Variants in DOCK3 observed in about 807,000 individuals in gnomAD.
The protein encoded by DOCK3 is dedicator of cytokinesis protein 3.
A neutral mutation model predicts 265.6 loss-of-function variants in DOCK3; 60 were observed. The observed-to-expected ratio is 0.23, with a 90% confidence interval of 0.18 to 0.28. The LOEUF is 0.28. Among genes scored for constraint, DOCK3 ranks in the 10% least tolerant of loss-of-function variants. The pLI is 1.00. For missense variants in DOCK3, 1,981 were observed against 2,594.3 expected, an observed-to-expected ratio of 0.76 and a Z score of 5.14; for synonymous variants, 881 against 938.0, an observed-to-expected ratio of 0.94 and a Z score of 1.11.
At chr3:51,290,410 T>C (rs1443467611) in intron 27 of DOCK3, among the ~76,000 whole-genome samples, 2 of 152,024 alleles carry the variant, frequency 1.3e-5, no homozygotes, top group Non-Finnish European at 2.9e-5. Context: ...CTGGAAACCA[T>C]CATTCTCAGC....
chr3:51,339,773 G>A (rs890986740), intron 37 of DOCK3, among the ~76,000 whole-genome samples: 5 of 152,152 alleles, frequency 3.3e-5, no homozygotes, highest in Non-Finnish European at 7.3e-5. Context: ...TTTCTCCACT[G>A]TGGTGACCAG....
chr3:51,379,653 G>A, intron 51 of DOCK3: 1 of 984,022 alleles, frequency 1.0e-6, no homozygotes, highest in Non-Finnish European at 1.2e-6. Flanking sequence ...CATCTAAGCT[G>A]AGAAGATGGG....
chr3:51,122,612 CAT>C lies in DOCK3; in HGVS notation c.747-23934_747-23933del, dbSNP rs199504561. The stretch of plus-strand genomic sequence containing the variant: ...GAAATGTGTGAAGTATATTAATACT[CAT>C]ATTGATAAGGCTGAGCACCCTATGG... On this transcript the variant is annotated intron_variant, in intron 9 of 52. Coordinates refer to ENST00000266037, the MANE Select transcript of DOCK3 (RefSeq NM_004947.5). Among the ~76,000 whole-genome samples the C allele has an allele frequency of 1.8e-4, 28 of 152,296 alleles. No homozygotes were observed. The East Asian group carries it at 4.4e-3, about 24-fold the overall frequency.
chr3:51,379,329 G>A (rs1553617682), intron 51 of DOCK3: 1 of 952,232 alleles, frequency 1.1e-6, no homozygotes, highest in Non-Finnish European at 1.3e-6. Context: ...TCCAGGTGCT[G>A]GCATGCCCCA....
chr3:51,024,053 G>T (rs950523670), intron 5 of DOCK3, among the ~76,000 whole-genome samples: 7 of 151,544 alleles, frequency 4.6e-5, no homozygotes, highest in Non-Finnish European at 1.0e-4. Context: ...TTTCTTAATG[G>T]TTTTTTTTAC....
At chr3:51,379,342 T>A (rs567207917) in intron 51 of DOCK3, 10 of 963,442 alleles carry the variant, frequency 1.0e-5, no homozygotes, top group Non-Finnish European at 1.2e-5. Context: ...ATGCCCCACA[T>A]GTGTGCTGGA....
At chr3:51,179,330 CA>C (rs2087147036) in intron 12 of DOCK3, among the ~76,000 whole-genome samples, 1 of 152,246 alleles carries the variant, frequency 6.6e-6, no homozygotes, top group East Asian at 1.9e-4. Context: ...ATCCTAATAT[CA>C]AAAAAGTATT....
chr3:50,687,898 T>G (rs1161428068), intron 1 of DOCK3, among the ~76,000 whole-genome samples: 2 of 152,228 alleles, frequency 1.3e-5, no homozygotes, highest in African/African-American at 4.8e-5. Context: ...ATGTGCATCC[T>G]CCTGAAAATA....
intron 24 of DOCK3, among the ~76,000 whole-genome samples, chr3:51,272,829 T>C (rs1000178612): frequency 6.6e-6 from 1 of 152,012 alleles, no homozygotes; most frequent in South Asian, 2.1e-4. Context: ...ACACTGTCAC[T>C]GAAGGCCACT....
At chr3:51,069,415 T>C (rs907423315) in intron 6 of DOCK3, among the ~76,000 whole-genome samples, 1 of 152,132 alleles carries the variant, frequency 6.6e-6, no homozygotes, top group Non-Finnish European at 1.5e-5. Flanking sequence ...AGTAGCTAGC[T>C]AGGTTAAAAT....
chr3:51,314,833 G>T, intron 31 of DOCK3, 147 bp from the exon 32 acceptor site: 1 of 966,948 alleles, frequency 1.0e-6, no homozygotes, highest in East Asian at 3.2e-5. Context: ...AAAGTTGAGG[G>T]AGAGTACCTC....
At position 51,016,861 on chromosome 3, in the gene DOCK3, A is replaced by AAC. The variant is rs1338754017; in HGVS notation, c.316-47586_316-47585insCA. Among the ~76,000 whole-genome samples, 22 of 86,416 alleles carry AAC rather than the reference A, an allele frequency of 2.5e-4. 5 individuals carry two copies. The highest frequency in any genetic ancestry group is 7.3e-4 in the African/African-American group (16 of 21,816). The allele number at this position is 86,416 out of a possible 152,430, so 56.7% of individuals were successfully genotyped here. On this transcript the variant is annotated intron_variant, in intron 5 of 52. Coordinates refer to ENST00000266037, the MANE Select transcript of DOCK3 (RefSeq NM_004947.5). ...TATATGTTTATATATATCATATATA[A>AAC]ATATATATGATATATGTTTATATAT...
intron 9 of DOCK3, among the ~76,000 whole-genome samples, chr3:51,100,269 A>C (rs1424666876): frequency 6.6e-6 from 1 of 152,182 alleles, no homozygotes; most frequent in East Asian, 1.9e-4. Context: ...AGGCAGTAAA[A>C]AGTTGGAGAA....
intron 2 of DOCK3, chr3:50,787,730 C>A (rs991252094): frequency 1.6e-6 from 2 of 1,233,686 alleles, no homozygotes; most frequent in Non-Finnish European, 2.3e-6. Context: ...CTTTCTGTAA[C>A]GCTGACTTTC....
intron 1 of DOCK3, among the ~76,000 whole-genome samples, chr3:50,746,758 G>A (rs1463012543): frequency 6.6e-6 from 1 of 152,052 alleles, no homozygotes; most frequent in African/African-American, 2.4e-5. Context: ...GGAGTAAGGG[G>A]TGGAGGAAGT....
intron 12 of DOCK3, among the ~76,000 whole-genome samples, chr3:51,191,361 G>T (rs2087936990): frequency 1.3e-5 from 2 of 152,100 alleles, no homozygotes; most frequent in Admixed American, 1.3e-4. Flanking sequence ...AGACTTCCGT[G>T]AGGTCCCCTG....
intron 12 of DOCK3, among the ~76,000 whole-genome samples, chr3:51,185,250 CAATAA>C (rs1040472452): frequency 6.6e-6 from 1 of 151,968 alleles, no homozygotes; most frequent in African/African-American, 2.4e-5. Context: ...GACAAATGTA[CAATAA>C]AATAAAGTGT....
At chr3:51,190,197 C>G (rs1312644228) in intron 12 of DOCK3, among the ~76,000 whole-genome samples, 1 of 152,210 alleles carries the variant, frequency 6.6e-6, no homozygotes, top group African/African-American at 2.4e-5. Context: ...CTCCCCCTTT[C>G]CATAAGAGTA....
intron 35 of DOCK3, among the ~76,000 whole-genome samples, chr3:51,335,063 A>G (rs998963771): frequency 4.6e-5 from 7 of 152,172 alleles, no homozygotes; most frequent in Non-Finnish European, 2.9e-5. Flanking sequence ...AGGAAACAGC[A>G]TAATGTTGAT....
Sources: gnomAD v4.1 joint callset for allele counts (sites outside exome capture counted in the v4.1 genomes callset) on GRCh38, gnomAD v4.1.1 for gene constraint, MANE v1.5 for transcripts, NCBI Gene and HGNC (gene_info 2026-07-23, HGNC 2026-07-21) for gene names.